BCL2L11: variants seen among roughly 807,000 people sequenced by gnomAD.
BCL2L11 encodes BCL2 like 11.
Under a neutral mutation model 20.6 loss-of-function variants are expected in BCL2L11, and 15 were observed. The ratio of observed to expected loss-of-function variants is 0.73; its 90% confidence interval spans 0.49 to 1.12. The LOEUF (loss-of-function observed/expected upper bound fraction) is 1.12. BCL2L11 is among the 50% of genes most tolerant of loss of function. The pLI is 0.00. For synonymous variants in BCL2L11, 108 were observed against 92.8 expected (o/e 1.16, Z -0.94); for missense variants, 292 against 260.9 (o/e 1.12, Z -0.82).
At chr2:111,142,298 T>A in intron 2 of BCL2L11, 1 of 1,549,166 alleles carries the variant, frequency 6.5e-7, no homozygotes, top group Non-Finnish European at 8.7e-7. Flanking sequence ...TATACAACAT[T>A]TTTATGGCTT....
Position 111,127,845 on chromosome 2 carries a change from CAAAA to C in BCL2L11, c.394+3709_394+3712del, listed in dbSNP as rs754768739. 6.6e-5 allele frequency among the ~76,000 whole-genome samples: 10 copies of C among 151,852 alleles called. No homozygotes were observed. In the East Asian group the frequency reaches 1.4e-3, roughly 21 times the overall value. On this transcript the variant is annotated intron_variant, in intron 2 of 3. Coordinates refer to ENST00000393256, the MANE Select transcript of BCL2L11 (RefSeq NM_138621.5). Reference sequence around the variant, plus strand: ...TGATACACACTGGATTTTGAGGAGACAAAAAAGAATGCAAAATAGTTTAATTGTT... The same window carrying C: ...TGATACACACTGGATTTTGAGGAGACAAGAATGCAAAATAGTTTAATTGTT...
intron 1 of BCL2L11, chr2:111,123,234 C>T (rs750406492): frequency 1.6e-5 from 16 of 985,374 alleles, no homozygotes; most frequent in Non-Finnish European, 1.9e-5. Context: ...CTACGACTGA[C>T]GGCCGCTGCC....
At chr2:111,159,967 T>C (rs2078355044) in intron 3 of BCL2L11, among the ~76,000 whole-genome samples, 1 of 152,282 alleles carries the variant, frequency 6.6e-6, no homozygotes, top group South Asian at 2.1e-4. Flanking sequence ...GCTGAGGAAC[T>C]TGTAGACACA....
intron 3 of BCL2L11, among the ~76,000 whole-genome samples, chr2:111,161,727 A>G (rs1377251572): frequency 6.6e-6 from 1 of 152,228 alleles, no homozygotes; most frequent in East Asian, 1.9e-4. Flanking sequence ...TACCCTGGCC[A>G]GAAGCCACTG....
chr2:111,129,939 C>T (rs2073559577), intron 2 of BCL2L11, among the ~76,000 whole-genome samples: 1 of 152,168 alleles, frequency 6.6e-6, no homozygotes, highest in Non-Finnish European at 1.5e-5. Flanking sequence ...TGTTGTGTAA[C>T]AATAGTGCCT....
intron 2 of BCL2L11, chr2:111,146,012 G>A: frequency 2.0e-6 from 2 of 984,004 alleles, no homozygotes; most frequent in East Asian, 2.3e-4. Flanking sequence ...CTACTTGCAG[G>A]ATTGGAGCTT....
chr2:111,148,652 A>G (rs2076867927), intron 2 of BCL2L11, among the ~76,000 whole-genome samples: 1 of 152,120 alleles, frequency 6.6e-6, no homozygotes. Context: ...AGGGCTTCCT[A>G]CAGCAGTTCC....
At chr2:111,163,989 T>G in intron 3 of BCL2L11, 144 bp from the exon 4 acceptor site, 1 of 572,650 alleles carries the variant, frequency 1.7e-6, no homozygotes, top group East Asian at 3.0e-5. Context: ...CTGGGAGGCA[T>G]CGTGCTTTGT....
In BCL2L11 at chr2:111,123,914, C is replaced by A; in HGVS notation, c.169C>A (p.His57Asn). 4 of 1,613,276 alleles carry A rather than the reference C, an allele frequency of 2.5e-6. No homozygotes were observed. The highest frequency in any genetic ancestry group is 3.4e-6 in the Non-Finnish European group (4 of 1,179,612). ...CGGAGGTGAAGGGGACAGCTGCCCC[C>A]ACGGCAGCCCTCAGGGCCCGCTGGC... The part of the protein sequence containing the change: ...NHGGEGDSCP[H>N]GSPQGPLAPP... Residue 57 changes from histidine to asparagine, a missense_variant, in exon 2 of 4, where the codon CAC becomes AAC. By Grantham distance (68) the His-to-Asn change is moderately conservative. Coordinates refer to ENST00000393256, the MANE Select transcript of BCL2L11 (RefSeq NM_138621.5).
rs376245602 is a variant in BCL2L11 at position 111,135,635 on chromosome 2, C to T, written c.394+11496C>T. ...CTAGATGGGAGAGTTCTCTTTTGTTCTCTTTAATTAGCCAGATGGGGCGAA... is the reference window on the plus strand; with the variant it reads ...CTAGATGGGAGAGTTCTCTTTTGTTTTCTTTAATTAGCCAGATGGGGCGAA... On this transcript the variant is annotated intron_variant, in intron 2 of 3. Coordinates refer to ENST00000393256, the MANE Select transcript of BCL2L11 (RefSeq NM_138621.5). Among the ~76,000 whole-genome samples, 10 of 152,224 alleles carry T rather than the reference C, an allele frequency of 6.6e-5. 3 individuals are homozygous for T. Among genetic ancestry groups the T allele is most frequent in the African/African-American group, 2.4e-4 (10 of 41,550 alleles).
intron 2 of BCL2L11, among the ~76,000 whole-genome samples, chr2:111,149,739 G>C (rs1003702305): frequency 6.6e-6 from 1 of 152,116 alleles, no homozygotes; most frequent in Non-Finnish European, 1.5e-5. Flanking sequence ...CCATTTTCTT[G>C]TGAGTAACTT....
Position 111,161,386 on chromosome 2 carries a change from G to A in BCL2L11, c.499-2747G>A, listed in dbSNP as rs79614543. The A allele has an allele frequency of 4.6e-4, 708 of 1,549,610 alleles. 9 individuals are homozygous for A. In the African/African-American group the frequency reaches 8.9e-3, roughly 19 times the overall value. On this transcript the variant is annotated intron_variant, in intron 3 of 3. Coordinates refer to ENST00000393256, the MANE Select transcript of BCL2L11 (RefSeq NM_138621.5). ...CTTTTTTATATTACCCAGTTTGGGA[G>A]TGGCAGAACTTAAATGCACTTTTGA...
chr2:111,126,059 G>A (rs765374287), intron 2 of BCL2L11, among the ~76,000 whole-genome samples: 30 of 152,184 alleles, frequency 2.0e-4, no homozygotes, highest in Non-Finnish European at 3.5e-4. Flanking sequence ...TCACACTTGT[G>A]GTTATTAAGC....
intron 2 of BCL2L11, among the ~76,000 whole-genome samples, chr2:111,138,419 C>G (rs188098362): frequency 1.4e-3 from 215 of 152,218 alleles, no homozygotes; most frequent in African/African-American, 4.6e-3. Context: ...AACTTTTGCT[C>G]TTTATAATTT....
In BCL2L11 at chr2:111,120,979, TGCCGCCGCCGCCGCCGCC is replaced by T. The variant is rs5833391; in HGVS notation, c.-198_-181del. On this transcript the variant is annotated 5_prime_UTR_variant, in exon 1 of 4. Transcript: ENST00000393256. Reference sequence around the variant, plus strand: ...GCTCTGCGTCCAGCGCCGCTGCCGCTGCCGCCGCCGCCGCCGCCGCCGCCGCCGCCGCCGCCGCCGCCA... The same window carrying T: ...GCTCTGCGTCCAGCGCCGCTGCCGCTGCCGCCGCCGCCGCCGCCGCCGCCA... 46 of 336,254 alleles carry T rather than the reference TGCCGCCGCCGCCGCCGCC, an allele frequency of 1.4e-4. 1 individual carries two copies. The highest frequency in any genetic ancestry group is 2.1e-4 in the South Asian group (4 of 18,688). 20.8% of individuals were successfully genotyped at this position (336,254 alleles called of 1,614,324 possible). A position where few individuals can be genotyped will look rare whatever the true frequency, so the allele number is the denominator to read the frequency against.
At chr2:111,140,055 C>T (rs1184621870) in intron 2 of BCL2L11, among the ~76,000 whole-genome samples, 1 of 152,174 alleles carries the variant, frequency 6.6e-6, no homozygotes, top group Non-Finnish European at 1.5e-5. Flanking sequence ...GTCTGTAAAC[C>T]TTGCAGTGGG....
chr2:111,153,725 C>T, intron 3 of BCL2L11: 2 of 1,550,594 alleles, frequency 1.3e-6, no homozygotes, highest in Non-Finnish European at 1.7e-6. Context: ...AAGTGTTAGT[C>T]TTTTATTGCC....
intron 2 of BCL2L11, among the ~76,000 whole-genome samples, chr2:111,133,317 G>T (rs1340943114): frequency 6.6e-6 from 1 of 152,232 alleles, no homozygotes; most frequent in Non-Finnish European, 1.5e-5. Context: ...AGCAGAGATG[G>T]TGGAGTCTTA....
At chr2:111,137,241 A>G (rs561569816) in intron 2 of BCL2L11, among the ~76,000 whole-genome samples, 35 of 152,228 alleles carry the variant, frequency 2.3e-4, no homozygotes, top group African/African-American at 8.2e-4. Flanking sequence ...AAATCTGATC[A>G]TTGGCCCAGT....
Sources: gnomAD v4.1 joint callset for allele counts (sites outside exome capture counted in the v4.1 genomes callset) on GRCh38, gnomAD v4.1.1 for gene constraint, MANE v1.5 for transcripts, NCBI Gene and HGNC (gene_info 2026-07-23, HGNC 2026-07-21) for gene names.